The following ZNF510 variants were observed in gnomAD, a reference collection of about 807,000 sequenced individuals.
ZNF510 encodes zinc finger protein 510.
In ZNF510, 15 loss-of-function variants were observed where a neutral mutation model predicts 18.1. The observed-to-expected ratio is 0.83, with a 90% CI of 0.55 to 1.28. The LOEUF (loss-of-function observed/expected upper bound fraction) is 1.28, where lower values mean the gene tolerates loss of function less well. Among genes scored for constraint, ZNF510 ranks in the 50% most tolerant of loss-of-function variants. The pLI is 0.00. For missense variants in ZNF510, 724 were observed against 791.8 expected, an observed-to-expected ratio of 0.91 and a Z score of 1.03; for synonymous variants, 261 against 266.4, an observed-to-expected ratio of 0.98 and a Z score of 0.20.
In ZNF510 at chr9:96,759,302, G is replaced by GAATTC; in HGVS notation, c.1523_1527dup (p.His510GlufsTer163). Reference sequence around the variant, plus strand: ...CATTGAAAGGATTTCTCCCCTGTGTGAATTCTGTGATGATCTCTGAGGGTG... The same window carrying GAATTC: ...CATTGAAAGGATTTCTCCCCTGTGTGAATTCAATTCTGTGATGATCTCTGAGGGTG... On this transcript the variant is annotated frameshift_variant, in exon 6 of 6. Transcript: ENST00000223428. LOFTEE classifies it low-confidence loss of function (END_TRUNC). 1 of 1,614,144 alleles carries GAATTC rather than the reference G, an allele frequency of 6.2e-7. No individual in the cohort carries two copies. The highest frequency in any genetic ancestry group is 1.3e-5 in the African/African-American group (1 of 75,038).
intron 5 of ZNF510, among the ~76,000 whole-genome samples, chr9:96,761,853 G>A (rs1365851330): frequency 1.3e-5 from 2 of 152,046 alleles, no homozygotes; most frequent in Admixed American, 6.6e-5. Context: ...CTGTTGATGA[G>A]CACTATTTTT....
intron 3 of ZNF510, among the ~76,000 whole-genome samples, chr9:96,765,244 C>A (rs181092608): frequency 6.0e-4 from 92 of 152,316 alleles, no homozygotes; most frequent in Non-Finnish European, 1.0e-4. Flanking sequence ...ATTAGCATTT[C>A]TTATTATTCA....
At position 96,756,153 on chromosome 9, in the gene ZNF510, T is replaced by C. The variant is rs1849188383; in HGVS notation, c.*2625A>G. ...TGTACAAAGAAAGGGTGCTTTTTAA[T>C]CTGTAATTTCCAATTAGAATATCAA... On this transcript the variant is annotated 3_prime_UTR_variant, in exon 6 of 6. Transcript: ENST00000223428. 1 of 152,192 alleles carries C rather than the reference T, an allele frequency of 6.6e-6. No homozygotes were observed. The highest frequency in any genetic ancestry group is 2.4e-5 in the African/African-American group (1 of 41,436). The allele number at this position is 152,192 out of a possible 1,614,324, so 9.4% of individuals were successfully genotyped here. A position where few individuals can be genotyped will look rare whatever the true frequency, so the allele number is the denominator to read the frequency against.
chr9:96,760,902 G>T (rs1024249728), intron 5 of ZNF510, among the ~76,000 whole-genome samples: 1 of 152,100 alleles, frequency 6.6e-6, no homozygotes, highest in Non-Finnish European at 1.5e-5. Context: ...CAGGGAGGGG[G>T]TTTAGAAGCT....
chr9:96,776,347 G>C (rs139725848), intron 1 of ZNF510, 102 bp from the exon 2 acceptor site: 1 of 408,476 alleles, frequency 2.4e-6, no homozygotes, highest in African/African-American at 2.1e-5. Context: ...TGTTCTTCAC[G>C]TCAGCACAAC....
chr9:96,766,208 C>T (rs1290523718), intron 3 of ZNF510, among the ~76,000 whole-genome samples: 2 of 152,006 alleles, frequency 1.3e-5, no homozygotes, highest in African/African-American at 2.4e-5. Flanking sequence ...TATCAATCTA[C>T]AATTTTAATT....
rs61731162 is a variant in ZNF510 at position 96,760,226 on chromosome 9, C to A, written c.604G>T (p.Gly202Cys). 2 of 1,612,872 alleles carry A rather than the reference C, an allele frequency of 1.2e-6. No individual in the cohort carries two copies. The highest frequency in any genetic ancestry group is 2.7e-5 in the African/African-American group (2 of 74,806). ...NNRNYSTKKI[G>C]CGNVCENSPF... is the part of the protein sequence containing the mutation. Reference sequence around the variant, plus strand: ...GAATTCTCACATACATTACCGCAACCTATTTTCTTTGTTGAATAGTTTCTA... The same window carrying A: ...GAATTCTCACATACATTACCGCAACATATTTTCTTTGTTGAATAGTTTCTA... The change falls in exon 6 of 6, where the codon GGT (glycine) becomes TGT (cysteine). Residue 202 changes from glycine to cysteine, a missense_variant. Transcript: ENST00000223428.
intron 2 of ZNF510, among the ~76,000 whole-genome samples, chr9:96,775,138 C>A (rs989180692): frequency 2.6e-5 from 4 of 151,830 alleles, no homozygotes; most frequent in African/African-American, 9.7e-5. Context: ...CAGTTCACTG[C>A]AACTTCTGCC....
chr9:96,777,455 G>A (rs980604908), intron 1 of ZNF510: 6 of 152,142 alleles, frequency 3.9e-5, no homozygotes, highest in African/African-American at 1.4e-4. Context: ...TAAATAGGGT[G>A]GTTGTGAGAA....
At position 96,756,111 on chromosome 9, in the gene ZNF510, G is replaced by C. The variant is rs1266381105; in HGVS notation, c.*2667C>G. ...ACCCAGATGGTTGTACTAAGCAGCT[G>C]TGACTTTTACCCCCACTGTACAAAG... On this transcript the variant is annotated 3_prime_UTR_variant, in exon 6 of 6. Transcript: ENST00000223428. 1 of 151,616 alleles carries C rather than the reference G, an allele frequency of 6.6e-6. No homozygotes were observed. Among genetic ancestry groups the C allele is most frequent in the East Asian group, 1.9e-4 (1 of 5,186 alleles). The allele number at this position is 151,616 out of a possible 1,614,324, so 9.4% of individuals were successfully genotyped here. A position where few individuals can be genotyped will look rare whatever the true frequency, so the allele number is the denominator to read the frequency against.
chr9:96,774,978 C>T, intron 2 of ZNF510, 132 bp from the exon 3 acceptor site: 1 of 659,360 alleles, frequency 1.5e-6, no homozygotes, highest in Non-Finnish European at 2.7e-6. Flanking sequence ...AAGGGACAAG[C>T]AGCACTACAG....
chr9:96,776,079 T>G lies in ZNF510; in HGVS notation c.-10A>C, dbSNP rs755147254. On this transcript the variant is annotated 5_prime_UTR_variant, in exon 2 of 6. Coordinates refer to ENST00000223428, the MANE Select transcript of ZNF510 (RefSeq NM_014930.3). ...CTGGATGTGGCGACATCACCAAGTCTGGTGCTCTCTGGGCAAGGGGATGAA... is the reference window on the plus strand; with the variant it reads ...CTGGATGTGGCGACATCACCAAGTCGGGTGCTCTCTGGGCAAGGGGATGAA... 4 of 1,594,964 alleles carry G rather than the reference T, an allele frequency of 2.5e-6. No homozygotes were observed. In the Admixed American group the frequency reaches 6.9e-5, roughly 28 times the overall value.
At chr9:96,763,340 G>A in intron 4 of ZNF510, 127 bp from the exon 5 acceptor site, 5 of 1,273,678 alleles carry the variant, frequency 3.9e-6, no homozygotes, top group Non-Finnish European at 5.5e-6. Context: ...ACTGGGAGTT[G>A]ACAACACATT....
chr9:96,777,644 C>A lies in ZNF510; in HGVS notation c.-177+390G>T, dbSNP rs145185837. 1.3e-3 allele frequency: 200 copies of A among 152,340 alleles called. 1 individual carries two copies. Among genetic ancestry groups the A allele is most frequent in the African/African-American group, 4.5e-3 (189 of 41,566 alleles). 9.4% of individuals were successfully genotyped at this position (152,340 alleles called of 1,614,324 possible). A position where few individuals can be genotyped will look rare whatever the true frequency, so the allele number is the denominator to read the frequency against. On this transcript the variant is annotated intron_variant, in intron 1 of 5. Coordinates refer to ENST00000223428, the MANE Select transcript of ZNF510 (RefSeq NM_014930.3). ...ATTTTCAAACGCTCAAGTGACAGAG[C>A]CAAAATTCACGAGGTCCTTCTAGCT...
Position 96,760,054 on chromosome 9 carries a change from A to G in ZNF510, c.776T>C (p.Ile259Thr). ...AGCCTTATCATTAAAGGCTTTTCCA[A>G]TTTTATTACATTCAAAAGCTTGCTC... The part of the protein sequence containing the change: ...TLEQAFECNK[I>T]GKAFNDKANC... The change falls in exon 6 of 6, where the codon ATT (isoleucine) becomes ACT (threonine). Residue 259 changes from isoleucine to threonine, a missense_variant. Physicochemically the swap from Ile to Thr is moderately conservative, Grantham distance 89. Coordinates refer to ENST00000223428, the MANE Select transcript of ZNF510 (RefSeq NM_014930.3). 1 of 1,611,662 alleles carries G rather than the reference A, an allele frequency of 6.2e-7. No individual in the cohort carries two copies. Among genetic ancestry groups the G allele is most frequent in the Middle Eastern group, 1.7e-4 (1 of 6,044 alleles).
At position 96,759,666 on chromosome 9, in the gene ZNF510, C is replaced by T. The variant is rs138736590; in HGVS notation, c.1164G>A (p.Thr388=). 326 of 1,613,432 alleles carry T rather than the reference C, an allele frequency of 2.0e-4. No individual in the cohort carries two copies. The highest frequency in any genetic ancestry group is 2.5e-4 in the Non-Finnish European group (293 of 1,179,954). The change falls in exon 6 of 6, where the codon ACG becomes ACA. Residue 388 remains threonine, a synonymous_variant. Coordinates refer to ENST00000223428, the MANE Select transcript of ZNF510 (RefSeq NM_014930.3). ...TTCTTCGGCGAACTCTGTGAACCGA[C>T]GTCTGGTAGGATTTCTTATTTTCAT... ...EYHENKKSYQ[T]SVHRVRRRSH...
In ZNF510 at chr9:96,758,281, A is replaced by C. The variant is rs542228363; in HGVS notation, c.*497T>G. 6.5e-6 allele frequency: 1 copy of C among 153,954 alleles called. No individual in the cohort carries two copies. The highest frequency in any genetic ancestry group is 2.0e-4 in the South Asian group (1 of 4,910). The allele number at this position is 153,954 out of a possible 1,614,324, so 9.5% of individuals were successfully genotyped here. A position where few individuals can be genotyped will look rare whatever the true frequency, so the allele number is the denominator to read the frequency against. The stretch of plus-strand genomic sequence containing the variant: ...CGGCACCAAGCTTGTCCTAGAAATG[A>C]TATCCATTTTGTTGTGACAGGGCCC... On this transcript the variant is annotated 3_prime_UTR_variant, in exon 6 of 6. Coordinates refer to ENST00000223428, the MANE Select transcript of ZNF510 (RefSeq NM_014930.3).
intron 3 of ZNF510, among the ~76,000 whole-genome samples, chr9:96,766,789 G>C (rs571363371): frequency 6.6e-6 from 1 of 152,086 alleles, no homozygotes; most frequent in African/African-American, 2.4e-5. Context: ...CAGAAAATTA[G>C]TATCTTTTTT....
chr9:96,767,278 A>G (rs975802249), intron 3 of ZNF510, among the ~76,000 whole-genome samples: 2 of 152,164 alleles, frequency 1.3e-5, no homozygotes, highest in East Asian at 1.9e-4. Flanking sequence ...CAGTGAGCTG[A>G]TATCGTGCCA....
Sources: gnomAD v4.1 joint callset for allele counts (sites outside exome capture counted in the v4.1 genomes callset) on GRCh38, gnomAD v4.1.1 for gene constraint, MANE v1.5 for transcripts, NCBI Gene and HGNC (gene_info 2026-07-23, HGNC 2026-07-21) for gene names.